CLSPN: variants seen among roughly 807,000 people sequenced by gnomAD.
The protein encoded by CLSPN is claspin homolog.
CLSPN carries 85 observed loss-of-function variants against 156.3 expected under a neutral mutation model. That is an observed-to-expected ratio of 0.54 (90% CI 0.46 to 0.65). The LOEUF is 0.65. Among genes scored for constraint, CLSPN ranks in the 30% least tolerant of loss-of-function variants. The pLI is 0.00. For missense variants in CLSPN, 1,407 were observed against 1,554.9 expected (o/e 0.90, Z 1.60); for synonymous variants, 534 against 542.4 (o/e 0.98, Z 0.22).
chr1:35,767,585 T>C (rs959067567), intron 1 of CLSPN, among the ~76,000 whole-genome samples: 1 of 152,240 alleles, frequency 6.6e-6, no homozygotes, highest in Admixed American at 6.5e-5. Flanking sequence ...CTTTGCTTCA[T>C]GCACGAAATT....
At chr1:35,769,464 CT>C (rs1422198986) in intron 1 of CLSPN, among the ~76,000 whole-genome samples, 3 of 152,244 alleles carry the variant, frequency 2.0e-5, no homozygotes, top group African/African-American at 7.2e-5. Context: ...CCCCGCACCG[CT>C]GCGGCCGGGT....
intron 5 of CLSPN, 144 bp downstream of exon 5, chr1:35,762,260 C>T (rs1376478074): frequency 6.1e-6 from 5 of 813,296 alleles, no homozygotes; most frequent in Non-Finnish European, 9.7e-6. Flanking sequence ...TCAATCCAAT[C>T]CATATTTTGT....
chr1:35,738,135 TATATAC>T, intron 21 of CLSPN, 38 bp from the exon 22 acceptor site: 2 of 596,944 alleles, frequency 3.4e-6, no homozygotes, highest in East Asian at 5.1e-5. Flanking sequence ...TATATATATA[TATATAC>T]AGCATTAAAA....
At chr1:35,748,866 C>G in intron 12 of CLSPN, 1 of 421,522 alleles carries the variant, frequency 2.4e-6, no homozygotes, top group South Asian at 2.0e-5. Context: ...CGCTCTGTCA[C>G]CCCAGCTGGA....
intron 8 of CLSPN, 27 bp from the exon 9 acceptor site, chr1:35,753,963 C>T: frequency 6.2e-7 from 1 of 1,607,228 alleles, no homozygotes; most frequent in Non-Finnish European, 8.5e-7. Context: ...ACCAGTGTGT[C>T]AGTTTGCCAT....
intron 14 of CLSPN, among the ~76,000 whole-genome samples, chr1:35,747,496 A>G (rs1469101740): frequency 6.6e-6 from 1 of 152,166 alleles, no homozygotes; most frequent in African/African-American, 2.4e-5. Flanking sequence ...GAAAGAATAA[A>G]ATGTTACTCA....
In CLSPN at chr1:35,734,274, A is replaced by T. The variant is rs572217117; in HGVS notation, c.*2222T>A. The T allele has an allele frequency of 8.1e-6, 8 of 985,438 alleles. No individual in the cohort carries two copies. The highest frequency in any genetic ancestry group is 1.1e-4 in the East Asian group (1 of 8,818). 61.0% of individuals were successfully genotyped at this position (985,438 alleles called of 1,614,324 possible). A position where few individuals can be genotyped will look rare whatever the true frequency, so the allele number is the denominator to read the frequency against. The stretch of plus-strand genomic sequence containing the variant: ...TCTTCCCTTCAAGGCATTAAGATTT[A>T]TTGAAAAACTACATACATATTAAAA... On this transcript the variant is annotated 3_prime_UTR_variant, in exon 25 of 25. Transcript: ENST00000318121.
At chr1:35,722,197 C>T (rs1641088587) in intron 24 of CLSPN, among the ~76,000 whole-genome samples, 1 of 151,030 alleles carries the variant, frequency 6.6e-6, no homozygotes, top group Non-Finnish European at 1.5e-5. Flanking sequence ...CAGGGCAGCA[C>T]CCCAGCCTGG....
chr1:35,747,878 C>T (rs748591690), intron 14 of CLSPN, 29 bp downstream of exon 14: 7 of 1,604,654 alleles, frequency 4.4e-6, no homozygotes, highest in Admixed American at 1.7e-5. Flanking sequence ...CAGCACCATT[C>T]CCGCCCACAG....
intron 24 of CLSPN, among the ~76,000 whole-genome samples, chr1:35,722,403 C>T (rs1002327982): frequency 2.6e-5 from 4 of 151,254 alleles, no homozygotes; most frequent in Non-Finnish European, 4.4e-5. Flanking sequence ...TACAGGTGCC[C>T]GCCACCTGGT....
In CLSPN at chr1:35,761,117, C is replaced by T; in HGVS notation, c.983G>A (p.Gly328Glu). ...FKRKPRPTCHGNAMALLKSSK... is the reference protein window; with the variant it reads ...FKRKPRPTCHENAMALLKSSK... ...TTACTTCAATAGTGCCATGGCATTTCCGTGGCAAGTGGGCCGGGGTTTACG... is the reference window on the plus strand; with the variant it reads ...TTACTTCAATAGTGCCATGGCATTTTCGTGGCAAGTGGGCCGGGGTTTACG... Residue 328 changes from glycine to glutamate, a missense_variant, in exon 7 of 25, where the codon GGA becomes GAA. Physicochemically the swap from Gly to Glu is moderately conservative, Grantham distance 98. This residue lies in a region of CLSPN where 1,096 missense variants were observed against 1,193.0 expected (regional missense o/e 0.92). Coordinates refer to ENST00000318121, the MANE Select transcript of CLSPN (RefSeq NM_022111.4). The T allele has an allele frequency of 1.2e-6, 2 of 1,611,340 alleles. No homozygotes were observed. The highest frequency in any genetic ancestry group is 1.7e-6 in the Non-Finnish European group (2 of 1,177,522).
At position 35,734,313 on chromosome 1, in the gene CLSPN, A is replaced by C; in HGVS notation, c.*2183T>G. The C allele has an allele frequency of 1.0e-6, 1 of 984,734 alleles. No homozygotes were observed. The highest frequency in any genetic ancestry group is 1.2e-6 in the Non-Finnish European group (1 of 829,334). 61.0% of individuals were successfully genotyped at this position (984,734 alleles called of 1,614,324 possible). A position where few individuals can be genotyped will look rare whatever the true frequency, so the allele number is the denominator to read the frequency against. ...TACATATTAAAACATCTTTATACAC[A>C]TTTTCCCCATTATAAGATTACAAGT... On this transcript the variant is annotated 3_prime_UTR_variant, in exon 25 of 25. Transcript: ENST00000318121.
chr1:35,721,297 C>T (rs1160648127), intron 24 of CLSPN, among the ~76,000 whole-genome samples: 1 of 152,164 alleles, frequency 6.6e-6, no homozygotes, highest in Non-Finnish European at 1.5e-5. Flanking sequence ...TTCTCCTATT[C>T]CTCTAGTGCT....
intron 22 of CLSPN, chr1:35,737,633 G>T: frequency 3.7e-6 from 2 of 534,174 alleles, no homozygotes; most frequent in Non-Finnish European, 3.4e-6. Context: ...AACAGAAGTG[G>T]TCAGTGTAGG....
downstream of CLSPN, among the ~76,000 whole-genome samples, chr1:35,728,731 T>C (rs1167362394): frequency 6.6e-6 from 1 of 152,172 alleles, no homozygotes; most frequent in Non-Finnish European, 1.5e-5. Flanking sequence ...TGTTCTTCTA[T>C]AGCCCTGATG....
At chr1:35,747,600 C>T (rs535766470) in intron 14 of CLSPN, among the ~76,000 whole-genome samples, 1 of 152,314 alleles carries the variant, frequency 6.6e-6, no homozygotes, top group African/African-American at 2.4e-5. Flanking sequence ...TCTGTGAATT[C>T]TCAACCTTAC....
rs966924896 is a variant in CLSPN, at chr1:35,739,079, G to A, written c.3430+57C>T. On this transcript the variant is annotated intron_variant, in intron 20 of 24. Coordinates refer to ENST00000318121, the MANE Select transcript of CLSPN (RefSeq NM_022111.4). Reference sequence around the variant, plus strand: ...CTCCCAAAGTGTTGGGATTACAGGCGTGAGCCACCATGCTCAGCCCGTAAC... The same window carrying A: ...CTCCCAAAGTGTTGGGATTACAGGCATGAGCCACCATGCTCAGCCCGTAAC... 52 of 1,603,714 alleles carry A rather than the reference G, an allele frequency of 3.2e-5. No homozygotes were observed. The Middle Eastern group carries it at 4.9e-4, about 15-fold the overall frequency.
Position 35,762,066 on chromosome 1 carries a change from C to A in CLSPN, c.827G>T (p.Arg276Ile), listed in dbSNP as rs1240952721. 6.2e-7 allele frequency: 1 copy of A among 1,609,176 alleles called. No individual in the cohort carries two copies. Among genetic ancestry groups the A allele is most frequent in the East Asian group, 2.2e-5 (1 of 44,794 alleles). ...ELSKGTTRKE[R>I]KAARLSKEAL... is the part of the protein sequence containing the mutation. ...TTCTTTACTTAATCTGGCTGCCTTT[C>A]TTTCCTTAAAGAAAACAAGAAGTGA... The change falls in exon 6 of 25, where the codon AGA (arginine) becomes ATA (isoleucine). Residue 276 changes from arginine (R) to isoleucine (I), a missense_variant. Physicochemically the swap from Arg to Ile is moderately conservative, Grantham distance 97 (BLOSUM62 -3). Transcript: ENST00000318121.
intron 18 of CLSPN, among the ~76,000 whole-genome samples, chr1:35,741,663 G>C (rs1641695128): frequency 6.6e-6 from 1 of 152,004 alleles, no homozygotes; most frequent in Admixed American, 6.6e-5. Flanking sequence ...TTCATGACCA[G>C]AACAGCATAT....
Sources: allele counts gnomAD v4.1 joint callset (sites outside exome capture counted in the v4.1 genomes callset), GRCh38; gene constraint gnomAD v4.1.1; regional missense constraint gnomAD v4.1.1; transcripts MANE v1.5; gene names NCBI Gene and HGNC (gene_info 2026-07-23, HGNC 2026-07-21).